TBC1D5: variants seen among roughly 807,000 people sequenced by gnomAD.
TBC1D5 encodes TBC1 domain family, member 5.
Under a neutral mutation model 100.3 loss-of-function variants are expected in TBC1D5, and 75 were observed. The ratio of observed to expected loss-of-function variants is 0.75; its 90% CI spans 0.62 to 0.91. TBC1D5 has a LOEUF of 0.91. Ranked by LOEUF, TBC1D5 falls within the 40% of genes least tolerant of loss-of-function variation. TBC1D5 has a pLI of 0.00. For missense variants in TBC1D5, 910 were observed against 942.4 expected (o/e 0.97, Z 0.45); for synonymous variants, 323 against 325.6 (o/e 0.99, Z 0.09).
intron 1 of TBC1D5, among the ~76,000 whole-genome samples, chr3:17,665,485 C>T (rs555522040): frequency 6.6e-6 from 1 of 152,290 alleles, no homozygotes; most frequent in Admixed American, 6.5e-5. Context: ...ATTCTATCAA[C>T]CAACAGTAGA....
intron 3 of TBC1D5, among the ~76,000 whole-genome samples, chr3:17,463,492 T>A (rs1029065855): frequency 1.3e-5 from 2 of 152,140 alleles, no homozygotes; most frequent in African/African-American, 4.8e-5. Context: ...AGGACTAGAT[T>A]AGGGTGAAGT....
At chr3:17,303,449 G>T (rs1231973286) in intron 14 of TBC1D5, among the ~76,000 whole-genome samples, 3 of 152,106 alleles carry the variant, frequency 2.0e-5, no homozygotes, top group African/African-American at 7.2e-5. Flanking sequence ...TGAGGCTATG[G>T]TGCCAGGCTC....
intron 2 of TBC1D5, among the ~76,000 whole-genome samples, chr3:17,531,501 A>T (rs2096224756): frequency 6.6e-6 from 1 of 152,178 alleles, no homozygotes; most frequent in African/African-American, 2.4e-5. Context: ...GTTCATATGG[A>T]AGCAAAAAAG....
At chr3:17,559,998 A>C (rs895208272) in intron 2 of TBC1D5, among the ~76,000 whole-genome samples, 2 of 152,170 alleles carry the variant, frequency 1.3e-5, no homozygotes, top group Non-Finnish European at 2.9e-5. Context: ...ATATGATGTG[A>C]TGAGTTAATG....
At chr3:17,702,376 C>A (rs1295963251) in intron 1 of TBC1D5, 1 of 151,850 alleles carries the variant, frequency 6.6e-6, no homozygotes, top group African/African-American at 2.4e-5. Flanking sequence ...GGTGTTTTTT[C>A]AAATATTTAA....
At chr3:17,721,641 T>C (rs751282616) in intron 1 of TBC1D5, among the ~76,000 whole-genome samples, 30 of 151,836 alleles carry the variant, frequency 2.0e-4, no homozygotes, top group Non-Finnish European at 2.9e-4. Flanking sequence ...CACTACACTC[T>C]AGCCTGGGCG....
chr3:17,336,881 G>A (rs577107904), intron 13 of TBC1D5, among the ~76,000 whole-genome samples: 1 of 152,172 alleles, frequency 6.6e-6, no homozygotes, highest in South Asian at 2.1e-4. Flanking sequence ...CAAATGATGT[G>A]CAATGCATCA....
chr3:17,228,261 T>A (rs182890537), intron 17 of TBC1D5, among the ~76,000 whole-genome samples: 1 of 152,250 alleles, frequency 6.6e-6, no homozygotes, highest in African/African-American at 2.4e-5. Context: ...GGTTGATACC[T>A]AGTTGTACGG....
chr3:17,594,973 C>T (rs1044287242), intron 2 of TBC1D5, among the ~76,000 whole-genome samples: 1 of 152,088 alleles, frequency 6.6e-6, no homozygotes, highest in African/African-American at 2.4e-5. Flanking sequence ...GAAAGGCAGA[C>T]CCACCCTTAA....
chr3:17,307,913 C>G, intron 14 of TBC1D5, 79 bp downstream of exon 14: 1 of 1,539,274 alleles, frequency 6.5e-7, no homozygotes, highest in Non-Finnish European at 8.7e-7. Context: ...TAATAAAACA[C>G]AAAGTCTATT....
intron 1 of TBC1D5, among the ~76,000 whole-genome samples, chr3:17,629,768 G>A (rs1002391476): frequency 2.0e-5 from 3 of 152,170 alleles, no homozygotes; most frequent in African/African-American, 7.2e-5. Context: ...GGGGGCCTGG[G>A]TCCTGCAATC....
intron 1 of TBC1D5, among the ~76,000 whole-genome samples, chr3:17,698,269 C>T (rs1156825317): frequency 6.6e-6 from 1 of 152,172 alleles, no homozygotes; most frequent in African/African-American, 2.4e-5. Context: ...CTTTGACAAA[C>T]CTGACAAAAA....
intron 15 of TBC1D5, among the ~76,000 whole-genome samples, chr3:17,289,009 C>T (rs1209142072): frequency 1.3e-5 from 2 of 152,226 alleles, no homozygotes; most frequent in Non-Finnish European, 2.9e-5. Context: ...TAAATGAGCT[C>T]ATCAGCATGC....
chr3:17,425,866 C>T (rs1359127533), intron 4 of TBC1D5, among the ~76,000 whole-genome samples: 1 of 152,102 alleles, frequency 6.6e-6, no homozygotes, highest in Non-Finnish European at 1.5e-5. Flanking sequence ...ACTATGACTT[C>T]CCATTTAGAT....
At chr3:17,345,854 G>C (rs1239851092) in intron 13 of TBC1D5, among the ~76,000 whole-genome samples, 2 of 151,848 alleles carry the variant, frequency 1.3e-5, no homozygotes, top group East Asian at 3.9e-4. Context: ...CTCACTCATA[G>C]ATGGAATTGA....
rs549551349 is a variant in TBC1D5, at chr3:17,417,762, G to A, written c.167+10688C>T. Among the ~76,000 whole-genome samples the A allele has an allele frequency of 1.1e-3, 170 of 152,148 alleles. 3 individuals carry two copies. In the East Asian group the frequency reaches 0.021, roughly 18 times the overall value. On this transcript the variant is annotated intron_variant, in intron 4 of 21. Coordinates refer to ENST00000253692, the Ensembl canonical transcript of TBC1D5. ...TCTAGTTCTAGATCCCTGAGGAATCGCCACACTGACTTCCACAATGGTTGA... is the reference window on the plus strand; with the variant it reads ...TCTAGTTCTAGATCCCTGAGGAATCACCACACTGACTTCCACAATGGTTGA...
At chr3:17,574,727 C>G (rs761203489) in intron 2 of TBC1D5, among the ~76,000 whole-genome samples, 10 of 152,096 alleles carry the variant, frequency 6.6e-5, no homozygotes, top group Non-Finnish European at 8.8e-5. Context: ...AGACCTCAGG[C>G]TGAATTTAGA....
At chr3:17,484,401 A>T (rs977958655) in intron 3 of TBC1D5, among the ~76,000 whole-genome samples, 1 of 151,854 alleles carries the variant, frequency 6.6e-6, no homozygotes, top group Non-Finnish European at 1.5e-5. Context: ...GGTAACAATC[A>T]TAATTACTCA....
intron 1 of TBC1D5, among the ~76,000 whole-genome samples, chr3:17,705,456 C>A (rs1201433638): frequency 6.7e-6 from 1 of 148,230 alleles, no homozygotes; most frequent in African/African-American, 2.5e-5. Context: ...TCAGACGGGG[C>A]AGCTGTCGGG....
Sources: allele counts gnomAD v4.1 joint callset (sites outside exome capture counted in the v4.1 genomes callset), GRCh38; gene constraint gnomAD v4.1.1; transcripts MANE v1.5; gene names NCBI Gene and HGNC (gene_info 2026-07-23, HGNC 2026-07-21).